Variants in MALRD1 observed in about 807,000 individuals in gnomAD.
MALRD1 encodes the protein MAM and LDL receptor class A domain containing 1, also known as MAM and LDL-receptor class A domain-containing protein 1.
A neutral mutation model predicts 242.1 loss-of-function variants in MALRD1; 247 were observed. The ratio of observed to expected loss-of-function variants is 1.02; its 90% CI spans 0.92 to 1.13. MALRD1 has a LOEUF of 1.13. Among genes scored for constraint, MALRD1 ranks in the 50% most tolerant of loss-of-function variants. The pLI is 0.00. For synonymous variants in MALRD1, 995 were observed against 866.6 expected (o/e 1.15, Z -2.60); for missense variants, 2,989 against 2,533.1 (o/e 1.18, Z -3.86).
At chr10:19,556,655 C>A (rs1835731494) in intron 32 of MALRD1, among the ~76,000 whole-genome samples, 1 of 152,106 alleles carries the variant, frequency 6.6e-6, no homozygotes, top group South Asian at 2.1e-4. Context: ...TTCGTTTATT[C>A]ACCAGTTCAA....
intron 29 of MALRD1, among the ~76,000 whole-genome samples, chr10:19,459,723 G>T (rs895435419): frequency 1.3e-5 from 2 of 151,628 alleles, no homozygotes; most frequent in Non-Finnish European, 2.9e-5. Flanking sequence ...ATAAAATTAA[G>T]AGAATTAGCA....
chr10:19,450,882 T>C (rs536522409), intron 29 of MALRD1, among the ~76,000 whole-genome samples: 4 of 152,192 alleles, frequency 2.6e-5, no homozygotes, highest in Admixed American at 2.6e-4. Context: ...TAAAATGAGC[T>C]CCCTTGGGCC....
intron 28 of MALRD1, among the ~76,000 whole-genome samples, chr10:19,399,795 T>A (rs1160609367): frequency 6.6e-6 from 1 of 152,224 alleles, no homozygotes; most frequent in Non-Finnish European, 1.5e-5. Flanking sequence ...TTTTCTAGAT[T>A]AGTGTATTTC....
chr10:19,482,957 T>A (rs1157881951), intron 29 of MALRD1, among the ~76,000 whole-genome samples: 2 of 151,986 alleles, frequency 1.3e-5, no homozygotes, highest in African/African-American at 2.4e-5. Context: ...AAAATCCATA[T>A]GGAACCATAA....
chr10:19,161,550 C>CAAAAAAAAAAAAAAAAAAAAAAAATCA, intron 12 of MALRD1, among the ~76,000 whole-genome samples: 1 of 60,838 alleles, frequency 1.6e-5, no homozygotes, highest in Admixed American at 2.0e-4. Context: ...AAAAAAAAAG[C>CAAAAAAAAAAAAAAAAAAAAAAAATCA]AAAAAAAAAA....
intron 38 of MALRD1, among the ~76,000 whole-genome samples, chr10:19,696,790 C>T (rs1437917097): frequency 6.6e-6 from 1 of 151,882 alleles, no homozygotes; most frequent in East Asian, 1.9e-4. Flanking sequence ...TTGGCATATG[C>T]CTGTAATCCC....
chr10:19,137,901 G>A (rs1833405980), intron 10 of MALRD1, among the ~76,000 whole-genome samples: 1 of 152,076 alleles, frequency 6.6e-6, no homozygotes, highest in South Asian at 2.1e-4. Flanking sequence ...ACAAACAGGT[G>A]GTTTTTAAAA....
At chr10:19,730,917 T>C (rs1272442743) in intron 39 of MALRD1, 136 bp downstream of exon 39, 1 of 817,474 alleles carries the variant, frequency 1.2e-6, no homozygotes, top group East Asian at 2.7e-5. Context: ...AGTGGAGTTA[T>C]TTCAATTGGG....
rs148838615 is a variant in MALRD1 at position 19,528,905 on chromosome 10, C to G, written c.5321-2289C>G. On this transcript the variant is annotated intron_variant, in intron 31 of 39. Coordinates refer to ENST00000454679, the MANE Select transcript of MALRD1 (RefSeq NM_001142308.3). ...GACAGACACAGAGTATCGTAACTTA[C>G]CTGGGCAAGTAGCCCATGAACGGGA... Among the ~76,000 whole-genome samples the G allele has an allele frequency of 2.7e-3, 411 of 152,202 alleles. 5 individuals are homozygous for G. Among genetic ancestry groups the G allele is most frequent in the Admixed American group, 0.025 (376 of 15,284 alleles).
chr10:19,688,350 A>G (rs1321460353), intron 36 of MALRD1, among the ~76,000 whole-genome samples: 1 of 151,644 alleles, frequency 6.6e-6, no homozygotes, highest in Non-Finnish European at 1.5e-5. Context: ...GCAGCCTCCA[A>G]CTCTTGGGCT....
intron 29 of MALRD1, among the ~76,000 whole-genome samples, chr10:19,466,776 C>G (rs7093985): frequency 0.81 from 123,852 of 152,050 alleles, 50,635 homozygotes; most frequent in East Asian, 1. Flanking sequence ...GATCCAAACA[C>G]AAAATTCACT....
chr10:19,186,224 C>T (rs1334696811), intron 14 of MALRD1, among the ~76,000 whole-genome samples: 1 of 152,098 alleles, frequency 6.6e-6, no homozygotes, highest in Non-Finnish European at 1.5e-5. Context: ...TTCTCATTGT[C>T]CTCAAGTTTA....
intron 29 of MALRD1, among the ~76,000 whole-genome samples, chr10:19,477,452 A>C (rs1836789186): frequency 7.2e-6 from 1 of 139,396 alleles, no homozygotes; most frequent in South Asian, 2.3e-4. Context: ...ACTCTAGAGT[A>C]GTTGGAAATA....
At chr10:19,350,990 T>C (rs1238435113) in intron 25 of MALRD1, among the ~76,000 whole-genome samples, 2 of 152,120 alleles carry the variant, frequency 1.3e-5, no homozygotes, top group Admixed American at 6.6e-5. Flanking sequence ...AACAAGTATT[T>C]TGGGGTCATA....
chr10:19,653,275 C>G (rs1840978096), intron 36 of MALRD1, among the ~76,000 whole-genome samples: 1 of 152,036 alleles, frequency 6.6e-6, no homozygotes, highest in Non-Finnish European at 1.5e-5. Context: ...TAGCTCACTA[C>G]AGCCTCAAAA....
At chr10:19,141,180 G>A (rs545130753) in intron 10 of MALRD1, among the ~76,000 whole-genome samples, 1 of 152,034 alleles carries the variant, frequency 6.6e-6, no homozygotes, top group Non-Finnish European at 1.5e-5. Flanking sequence ...AAAGATACAC[G>A]TTGGATCCCT....
chr10:19,723,169 T>C (rs1007946889), intron 38 of MALRD1, among the ~76,000 whole-genome samples: 4 of 152,176 alleles, frequency 2.6e-5, no homozygotes, highest in African/African-American at 7.2e-5. Context: ...AGAAATCATT[T>C]CACTCATGGA....
intron 13 of MALRD1, among the ~76,000 whole-genome samples, chr10:19,166,219 G>A (rs534081058): frequency 6.6e-5 from 10 of 152,316 alleles, no homozygotes; most frequent in Admixed American, 2.6e-4. Context: ...GACGTGGGCT[G>A]TAATATTTTA....
intron 28 of MALRD1, among the ~76,000 whole-genome samples, chr10:19,435,354 T>C (rs1564337340): frequency 1.3e-5 from 2 of 152,112 alleles, no homozygotes; most frequent in African/African-American, 4.8e-5. Flanking sequence ...GAACCAATAT[T>C]GTCCGCTGTT....
Sources: allele counts gnomAD v4.1 joint callset (sites outside exome capture counted in the v4.1 genomes callset), GRCh38; gene constraint gnomAD v4.1.1; transcripts MANE v1.5; gene names NCBI Gene and HGNC (gene_info 2026-07-23, HGNC 2026-07-21).